CCNT2: variants seen among roughly 807,000 people sequenced by gnomAD.
The protein encoded by CCNT2 is cyclin-T2.
A neutral mutation model predicts 70.0 loss-of-function variants in CCNT2; 18 were observed. The observed-to-expected ratio is 0.26, with a 90% CI of 0.18 to 0.38. The LOEUF is 0.38. Among genes scored for constraint, CCNT2 ranks in the 10% least tolerant of loss-of-function variants. The probability of loss-of-function intolerance (pLI) is 1.00; values close to 1 mark genes in which losing one functional copy is unlikely to be tolerated. For missense variants in CCNT2, 734 were observed against 890.2 expected, an observed-to-expected ratio of 0.82 and a Z score of 2.23; for synonymous variants, 334 against 313.3, an observed-to-expected ratio of 1.07 and a Z score of -0.70.
At chr2:134,931,560 G>A (rs1027847778) in intron 2 of CCNT2, among the ~76,000 whole-genome samples, 9 of 151,936 alleles carry the variant, frequency 5.9e-5, no homozygotes, top group African/African-American at 2.2e-4. Flanking sequence ...ATTTCCATGT[G>A]AATTTTAGGA....
At chr2:134,931,183 C>T (rs188850244) in intron 2 of CCNT2, among the ~76,000 whole-genome samples, 7 of 147,414 alleles carry the variant, frequency 4.7e-5, no homozygotes, top group Admixed American at 3.5e-4. Context: ...AGGATGGTCT[C>T]GATCTCCTGA....
chr2:134,920,001 A>G (rs1679766720), intron 2 of CCNT2, 110 bp downstream of exon 2: 1 of 678,250 alleles, frequency 1.5e-6, no homozygotes, highest in African/African-American at 1.8e-5. Context: ...ATTAACGGTA[A>G]ACGTATATCA....
chr2:134,944,291 G>A (rs1681791680), intron 5 of CCNT2: 1 of 983,088 alleles, frequency 1.0e-6, no homozygotes, highest in African/African-American at 1.8e-5. Flanking sequence ...AACTTTGTAA[G>A]CATTGTAGCC....
In CCNT2 at chr2:134,954,734, A is replaced by C. The variant is rs1573874098; in HGVS notation, c.*86A>C. 2.5e-6 allele frequency: 2 copies of C among 802,854 alleles called. No homozygotes were observed. The allele number at this position is 802,854 out of a possible 1,614,324, so 49.7% of individuals were successfully genotyped here. ...AATTCCTTCTGATCTAGCAGTGGTAACCCCTGCTGTTGCTGCCACTGCTTC... is the reference window on the plus strand; with the variant it reads ...AATTCCTTCTGATCTAGCAGTGGTACCCCCTGCTGTTGCTGCCACTGCTTC... On this transcript the variant is annotated 3_prime_UTR_variant, in exon 9 of 9. Coordinates refer to ENST00000264157, the MANE Select transcript of CCNT2 (RefSeq NM_058241.3).
At chr2:134,937,175 G>A (rs1168429625) in intron 3 of CCNT2, among the ~76,000 whole-genome samples, 1 of 152,182 alleles carries the variant, frequency 6.6e-6, no homozygotes, top group Non-Finnish European at 1.5e-5. Flanking sequence ...CTGAATTATA[G>A]AAGGCTTTGA....
At chr2:134,935,435 A>G (rs984452635) in intron 2 of CCNT2, among the ~76,000 whole-genome samples, 1 of 152,204 alleles carries the variant, frequency 6.6e-6, no homozygotes, top group African/African-American at 2.4e-5. Flanking sequence ...TTCATATTAC[A>G]TTTTAAAAGA....
intron 2 of CCNT2, among the ~76,000 whole-genome samples, chr2:134,925,920 C>T (rs1291804364): frequency 1.0e-4 from 14 of 139,044 alleles, no homozygotes; most frequent in Non-Finnish European, 2.0e-4. Flanking sequence ...GGCTGGAGTG[C>T]AGTGGCACAA....
chr2:134,942,709 A>G, intron 5 of CCNT2, 35 bp downstream of exon 5: 1 of 1,548,858 alleles, frequency 6.5e-7, no homozygotes, highest in African/African-American at 1.4e-5. Context: ...GATAAGTATT[A>G]ATGCTTTTTA....
Position 134,927,850 on chromosome 2 carries a change from A to G in CCNT2, c.240+7959A>G, listed in dbSNP as rs75395930. 2.4e-3 allele frequency among the ~76,000 whole-genome samples: 365 copies of G among 152,298 alleles called. 1 individual carries two copies. Among genetic ancestry groups the G allele is most frequent in the African/African-American group, 8.3e-3 (344 of 41,566 alleles). ...CTCTACATTTTCTGGTGTTAACCTA[A>G]TATTTTACCCCTAAATAAGCTAAGG... On this transcript the variant is annotated intron_variant, in intron 2 of 8. Coordinates refer to ENST00000264157, the MANE Select transcript of CCNT2 (RefSeq NM_058241.3).
chr2:134,931,044 G>A (rs1680713873), intron 2 of CCNT2, among the ~76,000 whole-genome samples: 1 of 150,942 alleles, frequency 6.6e-6, no homozygotes, highest in African/African-American at 2.4e-5. Context: ...CTCACTGCGT[G>A]CTCCACCTCC....
intron 4 of CCNT2, among the ~76,000 whole-genome samples, chr2:134,939,590 C>T (rs1681416494): frequency 6.6e-6 from 1 of 152,030 alleles, no homozygotes; most frequent in African/African-American, 2.4e-5. Flanking sequence ...CTCAGCCTCC[C>T]GAGTAGCTGG....
Position 134,955,243 on chromosome 2 carries a change from T to C in CCNT2, c.*595T>C, listed in dbSNP as rs909389194. 2 of 153,232 alleles carry C rather than the reference T, an allele frequency of 1.3e-5. No individual in the cohort carries two copies. Among genetic ancestry groups the C allele is most frequent in the African/African-American group, 4.8e-5 (2 of 41,426 alleles). The allele number at this position is 153,232 out of a possible 1,614,324, so 9.5% of individuals were successfully genotyped here. ...ATCTTGTCAGAGTCCATCACTAATC[T>C]AAAACAAAGGTGGCACTTTTTTATG... is the stretch of plus-strand genomic sequence containing the variant. On this transcript the variant is annotated 3_prime_UTR_variant, in exon 9 of 9. Transcript: ENST00000264157.
chr2:134,950,564 G>A (rs1682413456), intron 7 of CCNT2, among the ~76,000 whole-genome samples: 1 of 152,130 alleles, frequency 6.6e-6, no homozygotes, highest in Non-Finnish European at 1.5e-5. Context: ...CTGAGCCTGA[G>A]ACGTCAAGGT....
At chr2:134,947,651 C>T in intron 6 of CCNT2, 85 bp from the exon 7 acceptor site, 1 of 1,012,474 alleles carries the variant, frequency 9.9e-7, no homozygotes, top group Non-Finnish European at 1.4e-6. Flanking sequence ...TTAAATTTTG[C>T]TCTAATCTTA....
intron 2 of CCNT2, among the ~76,000 whole-genome samples, chr2:134,927,071 T>C (rs911245412): frequency 4.6e-5 from 7 of 152,242 alleles, no homozygotes; most frequent in Admixed American, 2.0e-4. Flanking sequence ...GAAGTTTCTG[T>C]TAAATAAGGA....
chr2:134,938,228 A>G (rs1345414851), intron 3 of CCNT2, among the ~76,000 whole-genome samples: 1 of 152,222 alleles, frequency 6.6e-6, no homozygotes, highest in African/African-American at 2.4e-5. Flanking sequence ...AATCAGCTCA[A>G]TGACCTTTCA....
chr2:134,924,479 T>G (rs1043969555), intron 2 of CCNT2, among the ~76,000 whole-genome samples: 1 of 152,148 alleles, frequency 6.6e-6, no homozygotes, highest in Non-Finnish European at 1.5e-5. Flanking sequence ...GATAGGAGTC[T>G]GGTCTTGTCG....
At chr2:134,949,802 C>CGGA (rs1553525572) in intron 7 of CCNT2, among the ~76,000 whole-genome samples, 1 of 48,900 alleles carries the variant, frequency 2.0e-5, no homozygotes, top group Non-Finnish European at 4.3e-5. Context: ...ATTTTTTTTT[C>CGGA]GGGGGGGGGG....
intron 2 of CCNT2, among the ~76,000 whole-genome samples, chr2:134,923,651 T>C (rs1201259691): frequency 6.6e-6 from 1 of 152,274 alleles, no homozygotes; most frequent in Non-Finnish European, 1.5e-5. Flanking sequence ...AACTATAAAT[T>C]ACCTGGTTGA....
Sources: allele counts gnomAD v4.1 joint callset (sites outside exome capture counted in the v4.1 genomes callset), GRCh38; gene constraint gnomAD v4.1.1; transcripts MANE v1.5; gene names NCBI Gene and HGNC (gene_info 2026-07-23, HGNC 2026-07-21).